LEKR1: variants seen among roughly 807,000 people sequenced by gnomAD.
The protein encoded by LEKR1 is protein LEKR1.
A neutral mutation model predicts 72.4 loss-of-function variants in LEKR1; 59 were observed. That is an observed-to-expected ratio of 0.82 (90% CI 0.66 to 1.01). The LOEUF is 1.01. Ranked by LOEUF, LEKR1 falls within the 50% of genes least tolerant of loss-of-function variation. The pLI is 0.00. For missense variants in LEKR1, 728 were observed against 759.2 expected, an observed-to-expected ratio of 0.96 and a Z score of 0.48; for synonymous variants, 257 against 263.2, an observed-to-expected ratio of 0.98 and a Z score of 0.23.
intron 3 of LEKR1, among the ~76,000 whole-genome samples, chr3:156,899,341 CACATAT>C (rs1721574342): frequency 8.9e-6 from 1 of 112,284 alleles, no homozygotes; most frequent in Non-Finnish European, 1.8e-5. Flanking sequence ...TACATATATA[CACATAT>C]ATACATGTAT....
chr3:156,946,257 A>G (rs577009863), intron 6 of LEKR1, among the ~76,000 whole-genome samples: 4 of 151,494 alleles, frequency 2.6e-5, no homozygotes, highest in Non-Finnish European at 5.9e-5. Context: ...CACTGTTGTC[A>G]TATAGAAATG....
At chr3:156,872,024 T>A (rs1718013803) in intron 3 of LEKR1, among the ~76,000 whole-genome samples, 1 of 152,106 alleles carries the variant, frequency 6.6e-6, no homozygotes, top group Non-Finnish European at 1.5e-5. Context: ...TATTAGTTCT[T>A]CTTTGAAAGT....
At chr3:156,859,375 TA>T (rs1382900498) in intron 3 of LEKR1, among the ~76,000 whole-genome samples, 2 of 152,186 alleles carry the variant, frequency 1.3e-5, no homozygotes, top group Non-Finnish European at 2.9e-5. Context: ...AACACTGGAT[TA>T]AAAAAATTAT....
chr3:157,017,948 CAAAAA>C (rs58950224), intron 10 of LEKR1, among the ~76,000 whole-genome samples: 42,616 of 83,526 alleles, frequency 0.51, 8,424 homozygotes, highest in East Asian at 0.71. Context: ...GACTCTGTCT[CAAAAA>C]AAAAAAAAAA....
At chr3:156,868,655 T>C (rs892959556) in intron 3 of LEKR1, among the ~76,000 whole-genome samples, 12 of 152,098 alleles carry the variant, frequency 7.9e-5, no homozygotes, top group Non-Finnish European at 1.2e-4. Context: ...ACCTTGAGTT[T>C]TTATAATTTC....
intron 7 of LEKR1, among the ~76,000 whole-genome samples, chr3:156,992,372 T>C (rs1412900341): frequency 6.6e-6 from 1 of 152,228 alleles, no homozygotes; most frequent in Non-Finnish European, 1.5e-5. Context: ...CTGCTTTTAG[T>C]CACTTTCCAA....
At chr3:156,978,471 T>G (rs1348517543) in intron 6 of LEKR1, among the ~76,000 whole-genome samples, 2 of 152,206 alleles carry the variant, frequency 1.3e-5, no homozygotes, top group African/African-American at 2.4e-5. Context: ...CAGCAAGGGC[T>G]GTCACTGGGG....
At chr3:156,924,678 A>G in intron 4 of LEKR1, 2 of 434,980 alleles carry the variant, frequency 4.6e-6, no homozygotes, top group Non-Finnish European at 8.1e-6. Context: ...TGGATATTCA[A>G]TTGTTCCAGT....
chr3:157,020,724 T>A (rs1193479335), intron 10 of LEKR1, among the ~76,000 whole-genome samples: 1 of 152,094 alleles, frequency 6.6e-6, no homozygotes, highest in Admixed American at 6.6e-5. Flanking sequence ...TTGTGAATAA[T>A]GCCGCAGTAA....
At chr3:157,003,906 A>G (rs1732210723) in intron 9 of LEKR1, among the ~76,000 whole-genome samples, 1 of 152,174 alleles carries the variant, frequency 6.6e-6, no homozygotes, top group South Asian at 2.1e-4. Flanking sequence ...CCAAAAGAAA[A>G]CAGAAAGAAG....
rs1279999608 is a variant in LEKR1, at chr3:157,037,205, T to C, written c.1669-8135T>C. Among the ~76,000 whole-genome samples, 5 of 152,164 alleles carry C rather than the reference T, an allele frequency of 3.3e-5. No individual in the cohort carries two copies. The East Asian group carries it at 9.6e-4, about 29-fold the overall frequency. On this transcript the variant is annotated intron_variant, in intron 12 of 12. Transcript: ENST00000356539. ...TGATGTTATTTTGAAGTACTGAGGG[T>C]AACTATCAGAAGAAATAGTTTAAAG...
chr3:157,029,530 T>C (rs575301228), intron 12 of LEKR1, among the ~76,000 whole-genome samples: 83 of 152,318 alleles, frequency 5.4e-4, no homozygotes, highest in Admixed American at 1.1e-3. Context: ...CTTCTGTATT[T>C]CACAGTGACC....
intron 3 of LEKR1, among the ~76,000 whole-genome samples, chr3:156,908,110 G>C (rs1306715245): frequency 6.6e-6 from 1 of 152,136 alleles, no homozygotes; most frequent in African/African-American, 2.4e-5. Context: ...ATATCAGGGT[G>C]TGTGTCATGA....
chr3:156,830,120 C>T (rs1245307982), intron 2 of LEKR1, among the ~76,000 whole-genome samples: 4 of 152,150 alleles, frequency 2.6e-5, no homozygotes, highest in South Asian at 4.2e-4. Flanking sequence ...ATTGTAACTA[C>T]GTAAAATTAA....
intron 6 of LEKR1, among the ~76,000 whole-genome samples, chr3:156,945,799 A>G (rs547667312): frequency 2.0e-5 from 3 of 151,370 alleles, no homozygotes; most frequent in Non-Finnish European, 4.4e-5. Context: ...GTTCTGTTCC[A>G]TTGGTCTCTG....
intron 10 of LEKR1, among the ~76,000 whole-genome samples, chr3:157,020,255 T>TTA (rs1733709000): frequency 1.4e-5 from 2 of 140,378 alleles, no homozygotes; most frequent in Non-Finnish European, 3.1e-5. Flanking sequence ...CTGATTTTCT[T>TTA]TTATTATTAT....
chr3:156,918,852 C>T (rs904364964), intron 3 of LEKR1, among the ~76,000 whole-genome samples: 3 of 151,902 alleles, frequency 2.0e-5, no homozygotes, highest in Non-Finnish European at 4.4e-5. Flanking sequence ...CCCTTTTAGT[C>T]ATTGTTACAG....
intron 4 of LEKR1, among the ~76,000 whole-genome samples, chr3:156,925,653 C>G (rs1031423116): frequency 3.3e-5 from 5 of 152,006 alleles, no homozygotes; most frequent in African/African-American, 1.2e-4. Context: ...TTCCAAGGTT[C>G]TGGGAGGGCT....
At chr3:156,894,045 A>G (rs573435046) in intron 3 of LEKR1, among the ~76,000 whole-genome samples, 2 of 152,348 alleles carry the variant, frequency 1.3e-5, no homozygotes, top group East Asian at 3.9e-4. Context: ...AAGAAAGTTT[A>G]TGGGCAAGTG....
Sources: allele counts gnomAD v4.1 joint callset (sites outside exome capture counted in the v4.1 genomes callset), GRCh38; gene constraint gnomAD v4.1.1; transcripts MANE v1.5; gene names NCBI Gene and HGNC (gene_info 2026-07-23, HGNC 2026-07-21).